Variants in NKAIN2 observed in about 807,000 individuals in gnomAD.
NKAIN2 encodes sodium/potassium transporting ATPase interacting 2, also known as sodium/potassium-transporting ATPase subunit beta-1-interacting protein 2.
NKAIN2 carries 14 observed loss-of-function variants against 32.6 expected under a neutral mutation model. That is an observed-to-expected ratio of 0.43 (90% confidence interval 0.28 to 0.67). The LOEUF (loss-of-function observed/expected upper bound fraction) is 0.67. NKAIN2 is among the 30% of genes least tolerant of loss of function. The pLI, the probability that NKAIN2 is intolerant of heterozygous loss-of-function variation, is 0.17. For synonymous variants in NKAIN2, 80 were observed against 87.2 expected (o/e 0.92, Z 0.46); for missense variants, 198 against 258.3 (o/e 0.77, Z 1.60).
At chr6:124,359,666 T>C (rs2114265711) in intron 3 of NKAIN2, among the ~76,000 whole-genome samples, 1 of 152,286 alleles carries the variant, frequency 6.6e-6, no homozygotes, top group South Asian at 2.1e-4. Context: ...CTTAAGGAGA[T>C]TTTGGGCTGA....
intron 1 of NKAIN2, among the ~76,000 whole-genome samples, chr6:124,194,432 CTTTTA>C (rs1790205770): frequency 6.6e-6 from 1 of 151,580 alleles, no homozygotes; most frequent in African/African-American, 2.4e-5. Context: ...TTGTGTTTTT[CTTTTA>C]TATCTACTCT....
intron 1 of NKAIN2, among the ~76,000 whole-genome samples, chr6:124,059,880 C>T (rs1164360905): frequency 6.6e-6 from 1 of 152,012 alleles, no homozygotes; most frequent in Non-Finnish European, 1.5e-5. Flanking sequence ...GCTAAGCAGC[C>T]CTTTTCTGTC....
intron 1 of NKAIN2, among the ~76,000 whole-genome samples, chr6:124,110,300 CAT>C (rs2114968331): frequency 6.6e-6 from 1 of 152,138 alleles, no homozygotes; most frequent in East Asian, 1.9e-4. Context: ...TCAAAAGACA[CAT>C]AAAAAGTATT....
chr6:124,127,567 T>C (rs575734856), intron 1 of NKAIN2, among the ~76,000 whole-genome samples: 1 of 152,296 alleles, frequency 6.6e-6, no homozygotes, highest in African/African-American at 2.4e-5. Context: ...TCACATGCCA[T>C]ATTTTAGGAT....
At chr6:123,995,927 G>C (rs924874156) in intron 1 of NKAIN2, among the ~76,000 whole-genome samples, 1 of 152,056 alleles carries the variant, frequency 6.6e-6, no homozygotes, top group Non-Finnish European at 1.5e-5. Flanking sequence ...TTTATGGTTA[G>C]AGGCAAGTAC....
chr6:124,030,542 A>G (rs138847382), intron 1 of NKAIN2, among the ~76,000 whole-genome samples: 1 of 152,174 alleles, frequency 6.6e-6, no homozygotes, highest in African/African-American at 2.4e-5. Context: ...ACAAGATGTT[A>G]TATATTGGAT....
At position 124,462,401 on chromosome 6, in the gene NKAIN2, C is replaced by A. The variant is rs189108562; in HGVS notation, c.273+107054C>A. On this transcript the variant is annotated intron_variant, in intron 3 of 6. Transcript: ENST00000368417. ...AAATATTAGTACAAAAATATTGTAA[C>A]AGCCTATGCATATTTGAGAATATAA... Among the ~76,000 whole-genome samples, 40 of 152,024 alleles carry A rather than the reference C, an allele frequency of 2.6e-4. No individual in the cohort carries two copies. The East Asian group carries it at 6.0e-3, about 23-fold the overall frequency.
chr6:123,814,824 G>T (rs760170522), intron 1 of NKAIN2, among the ~76,000 whole-genome samples: 116 of 152,264 alleles, frequency 7.6e-4, no homozygotes, highest in Admixed American at 2.6e-3. Flanking sequence ...TGCAATGGAT[G>T]AAGAGCCAGA....
chr6:124,631,196 C>A (rs1340723101), intron 3 of NKAIN2, among the ~76,000 whole-genome samples: 1 of 151,976 alleles, frequency 6.6e-6, no homozygotes, highest in Non-Finnish European at 1.5e-5. Context: ...CTCAAAGTGC[C>A]TTGATGCTGA....
chr6:124,314,393 A>G (rs1486799013), intron 2 of NKAIN2, among the ~76,000 whole-genome samples: 1 of 151,436 alleles, frequency 6.6e-6, no homozygotes, highest in Non-Finnish European at 1.5e-5. Flanking sequence ...CAAGATAAAA[A>G]TGTTTAGACG....
intron 4 of NKAIN2, among the ~76,000 whole-genome samples, chr6:124,733,182 A>G (rs1417872364): frequency 5.3e-5 from 8 of 151,980 alleles, no homozygotes; most frequent in African/African-American, 1.7e-4. Flanking sequence ...TTGAGTAGGG[A>G]AATTACAGGG....
intron 5 of NKAIN2, among the ~76,000 whole-genome samples, chr6:124,812,413 A>T (rs1780943116): frequency 6.6e-6 from 1 of 152,162 alleles, no homozygotes; most frequent in South Asian, 2.1e-4. Flanking sequence ...CGTGAGCCAG[A>T]CACTGTTCTG....
chr6:124,175,965 C>A (rs1282134997), intron 1 of NKAIN2, among the ~76,000 whole-genome samples: 1 of 152,014 alleles, frequency 6.6e-6, no homozygotes, highest in Non-Finnish European at 1.5e-5. Flanking sequence ...CACTACTGTT[C>A]CATGCTGCCT....
chr6:124,662,551 A>G (rs974755433), intron 4 of NKAIN2, among the ~76,000 whole-genome samples: 3 of 152,200 alleles, frequency 2.0e-5, no homozygotes, highest in African/African-American at 4.8e-5. Flanking sequence ...CAGATTGAGG[A>G]AAAAAATGTA....
At chr6:123,968,141 T>C (rs1014480624) in intron 1 of NKAIN2, among the ~76,000 whole-genome samples, 3 of 152,176 alleles carry the variant, frequency 2.0e-5, no homozygotes, top group Non-Finnish European at 2.9e-5. Context: ...CGCCCAACTT[T>C]TTGCTTTCAA....
chr6:124,564,415 T>A (rs1156694351), intron 3 of NKAIN2, among the ~76,000 whole-genome samples: 1 of 152,160 alleles, frequency 6.6e-6, no homozygotes, highest in East Asian at 1.9e-4. Context: ...AATGGATCAA[T>A]CAGCGCTCTG....
intron 1 of NKAIN2, among the ~76,000 whole-genome samples, chr6:123,891,875 T>C (rs1335615007): frequency 6.6e-6 from 1 of 152,136 alleles, no homozygotes; most frequent in African/African-American, 2.4e-5. Flanking sequence ...ATAGCCTTAT[T>C]ATTGGTTGTC....
chr6:124,660,581 C>G (rs1784710620), intron 4 of NKAIN2, among the ~76,000 whole-genome samples: 1 of 152,170 alleles, frequency 6.6e-6, no homozygotes, highest in Non-Finnish European at 1.5e-5. Context: ...TTTCTCCTGT[C>G]TGCATTCCCC....
chr6:124,458,418 G>A (rs555466083), intron 3 of NKAIN2, among the ~76,000 whole-genome samples: 1 of 151,854 alleles, frequency 6.6e-6, no homozygotes, highest in Non-Finnish European at 1.5e-5. Flanking sequence ...TTGAAGCAGT[G>A]TATTAGATGG....
Sources: gnomAD v4.1 joint callset for allele counts (sites outside exome capture counted in the v4.1 genomes callset) on GRCh38, gnomAD v4.1.1 for gene constraint, MANE v1.5 for transcripts, NCBI Gene and HGNC (gene_info 2026-07-23, HGNC 2026-07-21) for gene names.